Variants in VEGFC observed in about 807,000 individuals in gnomAD.
The protein encoded by VEGFC is vascular endothelial growth factor C.
VEGFC carries 12 observed loss-of-function variants against 46.1 expected under a neutral mutation model. That is an observed-to-expected ratio of 0.26 (90% CI 0.17 to 0.42). VEGFC has a LOEUF of 0.42. VEGFC is among the 10% of genes least tolerant of loss of function. The pLI, the probability that VEGFC is intolerant of heterozygous loss-of-function variation, is 1.00. For synonymous variants in VEGFC, 232 were observed against 195.5 expected, an observed-to-expected ratio of 1.19 and a Z score of -1.56; for missense variants, 488 against 529.4, an observed-to-expected ratio of 0.92 and a Z score of 0.77.
At chr4:176,715,026 T>C (rs1734675331) in intron 3 of VEGFC, among the ~76,000 whole-genome samples, 1 of 151,290 alleles carries the variant, frequency 6.6e-6, no homozygotes, top group African/African-American at 2.5e-5. Context: ...GAACTGTCTT[T>C]TCCTCTAAGT....
intron 2 of VEGFC, among the ~76,000 whole-genome samples, chr4:176,728,999 T>G (rs1268658735): frequency 6.6e-6 from 1 of 152,132 alleles, no homozygotes; most frequent in East Asian, 1.9e-4. Context: ...CTGTGCCCAG[T>G]CATACCCCAC....
At chr4:176,771,918 C>T (rs1735729822) in intron 1 of VEGFC, among the ~76,000 whole-genome samples, 1 of 152,098 alleles carries the variant, frequency 6.6e-6, no homozygotes, top group South Asian at 2.1e-4. Flanking sequence ...TAGCTGATCC[C>T]CCAATTTTCA....
chr4:176,736,040 C>T (rs1735047541), intron 1 of VEGFC, among the ~76,000 whole-genome samples: 1 of 151,768 alleles, frequency 6.6e-6, no homozygotes, highest in South Asian at 2.1e-4. Flanking sequence ...AAAAAAGACA[C>T]TATCTCCACC....
chr4:176,752,086 T>G (rs1453483734), intron 1 of VEGFC, among the ~76,000 whole-genome samples: 1 of 151,922 alleles, frequency 6.6e-6, no homozygotes, highest in Non-Finnish European at 1.5e-5. Flanking sequence ...CAAAATGTAA[T>G]AGTTATTTTT....
At chr4:176,726,762 C>T (rs1734880038) in intron 3 of VEGFC, among the ~76,000 whole-genome samples, 1 of 152,058 alleles carries the variant, frequency 6.6e-6, no homozygotes, top group Non-Finnish European at 1.5e-5. Flanking sequence ...TACTGAAAAC[C>T]ATGTAGATCA....
At chr4:176,718,977 G>A (rs957138118) in intron 3 of VEGFC, among the ~76,000 whole-genome samples, 1 of 152,074 alleles carries the variant, frequency 6.6e-6, no homozygotes, top group African/African-American at 2.4e-5. Context: ...TTATGAAAGA[G>A]GTTGAAAAGA....
chr4:176,737,314 T>C (rs1735073117), intron 1 of VEGFC, among the ~76,000 whole-genome samples: 1 of 146,970 alleles, frequency 6.8e-6, no homozygotes, highest in African/African-American at 2.5e-5. Context: ...AATATATAAA[T>C]ATAGAATATA....
chr4:176,707,224 A>C (rs566505940), intron 4 of VEGFC, among the ~76,000 whole-genome samples: 12 of 152,358 alleles, frequency 7.9e-5, no homozygotes, highest in African/African-American at 2.6e-4. Flanking sequence ...TGTACATGTT[A>C]AATTCATAAG....
intron 1 of VEGFC, among the ~76,000 whole-genome samples, chr4:176,785,661 T>A (rs1735991012): frequency 6.6e-6 from 1 of 152,082 alleles, no homozygotes; most frequent in Admixed American, 6.6e-5. Flanking sequence ...CCCACTGACC[T>A]ACAAATAAAT....
intron 4 of VEGFC, among the ~76,000 whole-genome samples, chr4:176,707,111 T>C (rs1475508161): frequency 1.3e-5 from 2 of 152,208 alleles, no homozygotes; most frequent in Non-Finnish European, 2.9e-5. Flanking sequence ...ACTGTATGCA[T>C]ATACTAAGAT....
chr4:176,787,159 T>C lies in VEGFC; in HGVS notation c.147+5006A>G, dbSNP rs140147781. On this transcript the variant is annotated intron_variant, in intron 1 of 6. Transcript: ENST00000618562. ...AGATCAGGATTATAGCACCAAATAA[T>C]TTAAGAAAATTAGCTTTTGGGGCCG... Among the ~76,000 whole-genome samples, 179 of 152,180 alleles carry C rather than the reference T, an allele frequency of 1.2e-3. 1 individual carries two copies. Among genetic ancestry groups the C allele is most frequent in the African/African-American group, 4.1e-3 (169 of 41,542 alleles).
chr4:176,749,662 A>G (rs551430505), intron 1 of VEGFC, among the ~76,000 whole-genome samples: 37 of 151,870 alleles, frequency 2.4e-4, no homozygotes, highest in Middle Eastern at 3.2e-3. Context: ...TAAAATTTTC[A>G]AGAACATAAA....
chr4:176,767,775 T>C (rs1158322916), intron 1 of VEGFC, among the ~76,000 whole-genome samples: 1 of 152,126 alleles, frequency 6.6e-6, no homozygotes, highest in Non-Finnish European at 1.5e-5. Flanking sequence ...AGGAATATAA[T>C]GTGACTTACA....
chr4:176,759,671 C>T (rs1179429555), intron 1 of VEGFC, among the ~76,000 whole-genome samples: 1 of 152,046 alleles, frequency 6.6e-6, no homozygotes, highest in Non-Finnish European at 1.5e-5. Flanking sequence ...CCACAATGTA[C>T]TTCAATCAAA....
intron 4 of VEGFC, 80 bp downstream of exon 4, chr4:176,711,419 A>T (rs1320693796): frequency 2.1e-6 from 3 of 1,454,174 alleles, no homozygotes; most frequent in Non-Finnish European, 2.8e-6. Flanking sequence ...CACAGAGGTT[A>T]TTTGTTTAAC....
chr4:176,729,474 G>C (rs548995898), intron 2 of VEGFC, 59 bp downstream of exon 2: 2 of 1,449,934 alleles, frequency 1.4e-6, no homozygotes, highest in East Asian at 4.8e-5. Flanking sequence ...GAACCAGGCT[G>C]GCAACTTCTA....
intron 1 of VEGFC, among the ~76,000 whole-genome samples, chr4:176,773,856 C>A (rs1282689996): frequency 1.3e-5 from 2 of 151,918 alleles, no homozygotes; most frequent in South Asian, 2.1e-4. Context: ...TTTTAATTTT[C>A]ATTTTTATTT....
At chr4:176,696,314 A>G (rs905510139) in intron 4 of VEGFC, among the ~76,000 whole-genome samples, 24 of 152,214 alleles carry the variant, frequency 1.6e-4, no homozygotes, top group African/African-American at 5.5e-4. Flanking sequence ...ATGTACAAAA[A>G]TCACAAGCAC....
At chr4:176,737,296 A>T (rs1348436603) in intron 1 of VEGFC, among the ~76,000 whole-genome samples, 2 of 142,006 alleles carry the variant, frequency 1.4e-5, no homozygotes, top group East Asian at 4.2e-4. Context: ...TATATAGAAT[A>T]TGTTTATAAT....
Sources: allele counts gnomAD v4.1 joint callset (sites outside exome capture counted in the v4.1 genomes callset), GRCh38; gene constraint gnomAD v4.1.1; transcripts MANE v1.5; gene names NCBI Gene and HGNC (gene_info 2026-07-23, HGNC 2026-07-21).